Variants in COMMD10 observed in about 807,000 individuals in gnomAD.
The protein encoded by COMMD10 is COMM domain-containing protein 10.
In COMMD10, 33 loss-of-function variants were observed where a neutral mutation model predicts 28.9. That is an observed-to-expected ratio of 1.14 (90% confidence interval 0.87 to 1.53). COMMD10 has a LOEUF of 1.53. Among genes scored for constraint, COMMD10 ranks in the 40% most tolerant of loss-of-function variants. The probability of loss-of-function intolerance (pLI) is 0.00; values close to 1 mark genes in which losing one functional copy is unlikely to be tolerated. For missense variants in COMMD10, 310 were observed against 233.4 expected (o/e 1.33, Z -2.14); for synonymous variants, 110 against 81.7 (o/e 1.35, Z -1.87).
At chr5:116,088,878 C>T (rs957980367) in intron 2 of COMMD10, among the ~76,000 whole-genome samples, 2 of 152,218 alleles carry the variant, frequency 1.3e-5, no homozygotes, top group Non-Finnish European at 2.9e-5. Context: ...ATTAATGTGT[C>T]TTCCTCTGGT....
At chr5:116,112,934 G>C (rs1393965033) in intron 4 of COMMD10, among the ~76,000 whole-genome samples, 2 of 151,982 alleles carry the variant, frequency 1.3e-5, no homozygotes, top group Non-Finnish European at 2.9e-5. Context: ...ATTTTTGTGT[G>C]TTTTCACAAT....
intron 4 of COMMD10, among the ~76,000 whole-genome samples, chr5:116,099,696 G>T (rs1750590811): frequency 6.6e-6 from 1 of 152,104 alleles, no homozygotes; most frequent in African/African-American, 2.4e-5. Flanking sequence ...GATGATTAAT[G>T]ATATTGACCA....
intron 5 of COMMD10, among the ~76,000 whole-genome samples, chr5:116,141,045 A>G (rs963796360): frequency 6.6e-6 from 1 of 151,884 alleles, no homozygotes; most frequent in African/African-American, 2.4e-5. Context: ...GCTTTCTTCT[A>G]GGAGTTTTAT....
intron 5 of COMMD10, among the ~76,000 whole-genome samples, chr5:116,243,042 A>G (rs1749852116): frequency 6.6e-6 from 1 of 152,192 alleles, no homozygotes; most frequent in African/African-American, 2.4e-5. Flanking sequence ...TTTATTAAAT[A>G]ATACCCTGGA....
At chr5:116,181,096 A>G (rs1747941657) in intron 5 of COMMD10, among the ~76,000 whole-genome samples, 1 of 152,026 alleles carries the variant, frequency 6.6e-6, no homozygotes, top group African/African-American at 2.4e-5. Flanking sequence ...GTGAGCTGAG[A>G]TTGTGCCACT....
chr5:116,268,506 CTG>C (rs1435766661), intron 5 of COMMD10, among the ~76,000 whole-genome samples: 1 of 151,894 alleles, frequency 6.6e-6, no homozygotes, highest in African/African-American at 2.4e-5. Context: ...ATTGGTGAGA[CTG>C]TAAACTAGTT....
intron 5 of COMMD10, among the ~76,000 whole-genome samples, chr5:116,163,501 A>G (rs1752989607): frequency 6.6e-6 from 1 of 151,622 alleles, no homozygotes; most frequent in Admixed American, 6.6e-5. Context: ...GAGGCAGGGA[A>G]TCACTTGCAC....
chr5:116,262,599 C>T (rs887529678), intron 5 of COMMD10, among the ~76,000 whole-genome samples: 7 of 151,750 alleles, frequency 4.6e-5, no homozygotes, highest in African/African-American at 1.7e-4. Flanking sequence ...TGTAAGTCTA[C>T]TCATTATAAA....
chr5:116,217,932 CA>C, intron 5 of COMMD10: 1 of 703,324 alleles, frequency 1.4e-6, no homozygotes. Context: ...AAAAGTAAAA[CA>C]AAATTTTGCA....
intron 5 of COMMD10, among the ~76,000 whole-genome samples, chr5:116,189,734 G>A (rs978314921): frequency 2.7e-5 from 4 of 146,396 alleles, no homozygotes; most frequent in African/African-American, 1.1e-4. Flanking sequence ...GAGGAAATAA[G>A]TTTATTTAAG....
At chr5:116,222,076 T>C (rs1749274509) in intron 5 of COMMD10, among the ~76,000 whole-genome samples, 1 of 152,122 alleles carries the variant, frequency 6.6e-6, no homozygotes, top group South Asian at 2.1e-4. Context: ...AGAGATGTGG[T>C]CATAGGAGGA....
chr5:116,189,120 T>C (rs1356273476), intron 5 of COMMD10, among the ~76,000 whole-genome samples: 3 of 152,220 alleles, frequency 2.0e-5, no homozygotes, highest in Non-Finnish European at 4.4e-5. Flanking sequence ...GTGGGGCAGA[T>C]AGTTCCTCTC....
chr5:116,203,371 A>G (rs1057150868), intron 5 of COMMD10, among the ~76,000 whole-genome samples: 2 of 152,130 alleles, frequency 1.3e-5, no homozygotes, highest in East Asian at 1.9e-4. Flanking sequence ...CAACATTCAG[A>G]TTCAGGAAAT....
intron 5 of COMMD10, among the ~76,000 whole-genome samples, chr5:116,180,545 A>G (rs1747921384): frequency 1.3e-5 from 2 of 152,116 alleles, no homozygotes; most frequent in Admixed American, 1.3e-4. Context: ...TTGCCTAGAC[A>G]ATACAATTTA....
chr5:116,122,798 A>G (rs2202816), intron 4 of COMMD10, among the ~76,000 whole-genome samples: 124,720 of 152,114 alleles, frequency 0.82, 51,288 homozygotes, highest in African/African-American at 0.84. Flanking sequence ...TGGCATATAG[A>G]AATGCTTGTG....
intron 5 of COMMD10, among the ~76,000 whole-genome samples, chr5:116,279,212 T>C (rs1190497056): frequency 3.3e-5 from 5 of 151,738 alleles, no homozygotes; most frequent in African/African-American, 1.2e-4. Context: ...TAAGAGGATA[T>C]TGAGAGATGA....
chr5:116,117,514 T>G (rs1205309608), intron 4 of COMMD10, among the ~76,000 whole-genome samples: 1 of 152,170 alleles, frequency 6.6e-6, no homozygotes, highest in African/African-American at 2.4e-5. Flanking sequence ...CAGGCTGGAG[T>G]GTGCAGTGGC....
chr5:116,187,656 A>G (rs977307236), intron 5 of COMMD10, among the ~76,000 whole-genome samples: 10 of 152,116 alleles, frequency 6.6e-5, no homozygotes, highest in Admixed American at 4.6e-4. Context: ...TTTGTAGTAT[A>G]TTCTAATTTA....
At chr5:116,238,051 C>A (rs1457358425) in intron 5 of COMMD10, among the ~76,000 whole-genome samples, 2 of 152,230 alleles carry the variant, frequency 1.3e-5, no homozygotes, top group East Asian at 3.9e-4. Flanking sequence ...ATCAATATGG[C>A]TCATGTTGCA....
Sources: allele counts gnomAD v4.1 joint callset (sites outside exome capture counted in the v4.1 genomes callset), GRCh38; gene constraint gnomAD v4.1.1; transcripts MANE v1.5; gene names NCBI Gene and HGNC (gene_info 2026-07-23, HGNC 2026-07-21).